The following SORBS2 variants were observed in gnomAD, a reference collection of about 807,000 sequenced individuals.
SORBS2 encodes sorbin and SH3 domain containing 2.
A neutral mutation model predicts 97.7 loss-of-function variants in SORBS2; 46 were observed. The ratio of observed to expected loss-of-function variants is 0.47; its 90% CI spans 0.37 to 0.60. The LOEUF (loss-of-function observed/expected upper bound fraction) is 0.60. Ranked by LOEUF, SORBS2 falls within the 20% of genes least tolerant of loss-of-function variation. SORBS2 has a pLI of 0.00. For synonymous variants in SORBS2, 476 were observed against 473.4 expected (o/e 1.01, Z -0.07); for missense variants, 1,316 against 1,282.3 (o/e 1.03, Z -0.40).
intron 1 of SORBS2, among the ~76,000 whole-genome samples, chr4:185,842,289 T>C (rs2099212010): frequency 6.6e-6 from 1 of 152,154 alleles, no homozygotes; most frequent in African/African-American, 2.4e-5. Context: ...AGATCTACTT[T>C]TGGTTTAAAG....
At chr4:185,851,476 C>A (rs138843128) in intron 1 of SORBS2, among the ~76,000 whole-genome samples, 1 of 152,156 alleles carries the variant, frequency 6.6e-6, no homozygotes, top group Non-Finnish European at 1.5e-5. Flanking sequence ...TACAAGCTGT[C>A]CTTTTGGGAT....
At chr4:185,915,422 G>T (rs1335430569) in intron 1 of SORBS2, among the ~76,000 whole-genome samples, 2 of 152,160 alleles carry the variant, frequency 1.3e-5, no homozygotes, top group Non-Finnish European at 2.9e-5. Flanking sequence ...AGCTCTGAAG[G>T]TCATTCTGAT....
chr4:185,681,937 T>C (rs2097875269), intron 2 of SORBS2, among the ~76,000 whole-genome samples: 1 of 152,246 alleles, frequency 6.6e-6, no homozygotes, highest in East Asian at 1.9e-4. Flanking sequence ...CACTATATTT[T>C]TCTTGAAAAT....
chr4:185,947,544 C>A (rs1056108750), intron 1 of SORBS2, among the ~76,000 whole-genome samples: 1 of 152,212 alleles, frequency 6.6e-6, no homozygotes, highest in African/African-American at 2.4e-5. Context: ...TGTGGTCTTA[C>A]ACTAGTCTGG....
rs10030353 is a variant in SORBS2, at chr4:185,679,262, G to A, written c.-197-440C>T. Among the ~76,000 whole-genome samples the A allele has an allele frequency of 9.0e-3, 1,371 of 152,028 alleles. 26 individuals are homozygous for A. The highest frequency in any genetic ancestry group is 0.031 in the African/African-American group (1,276 of 41,490). On this transcript the variant is annotated intron_variant, in intron 2 of 20. Coordinates refer to the SORBS2 transcript ENST00000284776. ...GTTACAGAACTGTATTCTGTAGTTC[G>A]CATTTTTTTTTACCTTAAGAAACTG...
chr4:185,588,597 C>T (rs1244695441), intron 14 of SORBS2, among the ~76,000 whole-genome samples: 1 of 150,642 alleles, frequency 6.6e-6, no homozygotes, highest in South Asian at 2.1e-4. Context: ...TCTCCTCCCT[C>T]CTCCTCCTCC....
At chr4:185,755,140 C>T (rs10084919) in intron 2 of SORBS2, among the ~76,000 whole-genome samples, 48,432 of 152,162 alleles carry the variant, frequency 0.32, 8,108 homozygotes, top group African/African-American at 0.4. Context: ...TATTAGGCTA[C>T]GTCAAGATGA....
chr4:185,762,423 G>A (rs1205387539), intron 2 of SORBS2, among the ~76,000 whole-genome samples: 1 of 151,854 alleles, frequency 6.6e-6, no homozygotes, highest in African/African-American at 2.4e-5. Context: ...AGAAACAGGT[G>A]AACTCAGGGA....
intron 1 of SORBS2, among the ~76,000 whole-genome samples, chr4:185,944,296 C>A (rs901065934): frequency 3.3e-5 from 5 of 152,192 alleles, no homozygotes; most frequent in African/African-American, 1.2e-4. Flanking sequence ...CACTGTGTGG[C>A]CACTAGCCTG....
chr4:185,941,634 C>G (rs1298517436), intron 1 of SORBS2, among the ~76,000 whole-genome samples: 1 of 152,150 alleles, frequency 6.6e-6, no homozygotes, highest in Non-Finnish European at 1.5e-5. Flanking sequence ...ATTCAGCCCA[C>G]ACTCTCTCAG....
rs904966829 is a variant in SORBS2 at position 185,622,845 on chromosome 4, A to C, written c.2215+69T>G. Reference sequence around the variant, plus strand: ...CAGCTCGGGAGTGATGAGATGTTGGAATGGAAAATGAAAGAGCTGGAGGGT... The same window carrying C: ...CAGCTCGGGAGTGATGAGATGTTGGCATGGAAAATGAAAGAGCTGGAGGGT... On this transcript the variant is annotated intron_variant, in intron 7 of 14. Transcript: ENST00000418609. 3 of 1,457,448 alleles carry C rather than the reference A, an allele frequency of 2.1e-6. No homozygotes were observed. The East Asian group carries it at 6.9e-5, about 33-fold the overall frequency. The allele number at this position is 1,457,448 out of a possible 1,614,324, so 90.3% of individuals were successfully genotyped here. A position where few individuals can be genotyped will look rare whatever the true frequency, so the allele number is the denominator to read the frequency against.
At chr4:185,770,081 ATTTT>A (rs34286752) in intron 2 of SORBS2, among the ~76,000 whole-genome samples, 1 of 145,800 alleles carries the variant, frequency 6.9e-6, no homozygotes, top group Non-Finnish European at 1.5e-5. Flanking sequence ...GCCGGATGGC[ATTTT>A]TTTTTTTTTT....
Position 185,690,590 on chromosome 4 carries a change from G to C in SORBS2, c.-197-11768C>G, listed in dbSNP as rs771192061. On this transcript the variant is annotated intron_variant, in intron 2 of 20. Coordinates refer to the SORBS2 transcript ENST00000284776. Reference sequence around the variant, plus strand: ...TGTTCATTTTCACCTTGGAGAGTTTGTTATTAAAGTCTTCAGTTTTCCTGT... The same window carrying C: ...TGTTCATTTTCACCTTGGAGAGTTTCTTATTAAAGTCTTCAGTTTTCCTGT... The C allele has an allele frequency of 2.0e-6, 3 of 1,502,008 alleles. No homozygotes were observed. In the East Asian group the frequency reaches 7.4e-5, roughly 37 times the overall value. 93.0% of individuals were successfully genotyped at this position (1,502,008 alleles called of 1,614,324 possible).
At chr4:185,789,014 A>G (rs2099068741) in intron 1 of SORBS2, among the ~76,000 whole-genome samples, 1 of 152,216 alleles carries the variant, frequency 6.6e-6, no homozygotes, top group Admixed American at 6.5e-5. Context: ...TACAAACTTA[A>G]GAACATGAGC....
chr4:185,751,539 C>CA (rs2153599244), intron 2 of SORBS2, among the ~76,000 whole-genome samples: 1 of 152,250 alleles, frequency 6.6e-6, no homozygotes, highest in South Asian at 2.1e-4. Context: ...CTGATTCTAG[C>CA]ATGAGAGGGA....
chr4:185,877,329 A>G (rs968091571), intron 1 of SORBS2, among the ~76,000 whole-genome samples: 5 of 152,220 alleles, frequency 3.3e-5, no homozygotes, highest in Non-Finnish European at 5.9e-5. Flanking sequence ...AAGCAAAAAA[A>G]AGAGATTTGT....
chr4:185,703,671 T>A (rs1166324716), intron 2 of SORBS2, among the ~76,000 whole-genome samples: 1 of 152,210 alleles, frequency 6.6e-6, no homozygotes, highest in Non-Finnish European at 1.5e-5. Context: ...TTGAGAAATG[T>A]CGGCATCAGG....
intron 1 of SORBS2, among the ~76,000 whole-genome samples, chr4:185,944,611 A>G (rs1252200652): frequency 2.0e-5 from 3 of 152,196 alleles, no homozygotes; most frequent in Admixed American, 2.0e-4. Flanking sequence ...AAGTCATTAT[A>G]AATATTTAAC....
At chr4:185,721,310 G>T (rs1235482689) in intron 2 of SORBS2, among the ~76,000 whole-genome samples, 1 of 151,978 alleles carries the variant, frequency 6.6e-6, no homozygotes, top group African/African-American at 2.4e-5. Flanking sequence ...CCTGACCTTG[G>T]GTGATCCGCC....
Sources: gnomAD v4.1 joint callset for allele counts (sites outside exome capture counted in the v4.1 genomes callset) on GRCh38, gnomAD v4.1.1 for gene constraint, MANE v1.5 for transcripts, NCBI Gene and HGNC (gene_info 2026-07-23, HGNC 2026-07-21) for gene names.